UNC5C: variants seen among roughly 807,000 people sequenced by gnomAD.
The protein encoded by UNC5C is unc-5 netrin receptor C.
UNC5C carries 47 observed loss-of-function variants against 99.8 expected under a neutral mutation model. That is an observed-to-expected ratio of 0.47 (90% CI 0.37 to 0.60). The LOEUF (loss-of-function observed/expected upper bound fraction) is 0.60. Among genes scored for constraint, UNC5C ranks in the 20% least tolerant of loss-of-function variants. The pLI, the probability that UNC5C is intolerant of heterozygous loss-of-function variation, is 0.00. For missense variants in UNC5C, 1,062 were observed against 1,165.9 expected, an observed-to-expected ratio of 0.91 and a Z score of 1.30; for synonymous variants, 487 against 452.2, an observed-to-expected ratio of 1.08 and a Z score of -0.98.
chr4:95,176,585 G>A (rs1462504041), intron 14 of UNC5C, among the ~76,000 whole-genome samples: 2 of 152,058 alleles, frequency 1.3e-5, no homozygotes, highest in Non-Finnish European at 2.9e-5. Flanking sequence ...CACTTGAGGA[G>A]GCAGTCTGCC....
At chr4:95,404,207 A>G (rs1579387614) in intron 1 of UNC5C, among the ~76,000 whole-genome samples, 2 of 152,334 alleles carry the variant, frequency 1.3e-5, no homozygotes, top group African/African-American at 2.4e-5. Flanking sequence ...CCCACATTTC[A>G]GTTAGATCTA....
chr4:95,258,887 G>C (rs1482437934), intron 4 of UNC5C, among the ~76,000 whole-genome samples: 1 of 147,280 alleles, frequency 6.8e-6, no homozygotes, highest in Non-Finnish European at 1.5e-5. Flanking sequence ...TCAGCCTCCC[G>C]AGTAGCTGGG....
chr4:95,445,196 GTAAAT>G (rs1747062906), intron 1 of UNC5C, among the ~76,000 whole-genome samples: 1 of 152,148 alleles, frequency 6.6e-6, no homozygotes, highest in South Asian at 2.1e-4. Flanking sequence ...GGGATGATTT[GTAAAT>G]TAAATTACTA....
intron 7 of UNC5C, among the ~76,000 whole-genome samples, chr4:95,228,569 A>T (rs1177631743): frequency 6.6e-6 from 1 of 152,198 alleles, no homozygotes; most frequent in Non-Finnish European, 1.5e-5. Flanking sequence ...TTTGTCTAAC[A>T]TTATAAAGCT....
intron 2 of UNC5C, among the ~76,000 whole-genome samples, chr4:95,317,062 AG>A (rs1742504008): frequency 6.6e-6 from 1 of 152,124 alleles, no homozygotes; most frequent in Non-Finnish European, 1.5e-5. Flanking sequence ...ACCTTGCCAA[AG>A]GTTCATGTTT....
In UNC5C at chr4:95,450,488, A is replaced by G. The variant is rs1412991518; in HGVS notation, c.124+98246T>C. On this transcript the variant is annotated intron_variant, in intron 1 of 15. Coordinates refer to ENST00000453304, the MANE Select transcript of UNC5C (RefSeq NM_003728.4). ...CCCAAAGTGTCAGCATTACAGGCAT[A>G]AGCCACTGCACCTGGCCTTGGTGGT... 2.6e-5 allele frequency among the ~76,000 whole-genome samples: 4 copies of G among 152,196 alleles called. No homozygotes were observed. The South Asian group carries it at 8.3e-4, about 31-fold the overall frequency.
chr4:95,191,393 C>T (rs1326169941), intron 12 of UNC5C, among the ~76,000 whole-genome samples: 2 of 152,094 alleles, frequency 1.3e-5, no homozygotes, highest in African/African-American at 4.8e-5. Flanking sequence ...GACAAGTCTG[C>T]CCCCAGGGTC....
intron 1 of UNC5C, among the ~76,000 whole-genome samples, chr4:95,497,301 A>G (rs1001097518): frequency 6.6e-6 from 1 of 152,020 alleles, no homozygotes; most frequent in African/African-American, 2.4e-5. Context: ...GCAGTGTAAA[A>G]GTGTCTGCTT....
At chr4:95,454,620 C>A (rs910622026) in intron 1 of UNC5C, among the ~76,000 whole-genome samples, 1 of 151,952 alleles carries the variant, frequency 6.6e-6, no homozygotes, top group African/African-American at 2.4e-5. Flanking sequence ...AGAAAACAAG[C>A]AAGTGGGATT....
chr4:95,263,749 C>G (rs942017827), intron 4 of UNC5C, among the ~76,000 whole-genome samples: 1 of 152,200 alleles, frequency 6.6e-6, no homozygotes, highest in Non-Finnish European at 1.5e-5. Flanking sequence ...TCTGTCCTAA[C>G]TTCCTCATAA....
chr4:95,208,310 G>T (rs1560733353), intron 10 of UNC5C, among the ~76,000 whole-genome samples: 2 of 152,170 alleles, frequency 1.3e-5, no homozygotes, highest in Non-Finnish European at 1.5e-5. Flanking sequence ...TTTATAAAAT[G>T]AAGCAGTGAA....
At chr4:95,252,913 T>G (rs1739799091) in intron 4 of UNC5C, among the ~76,000 whole-genome samples, 1 of 152,212 alleles carries the variant, frequency 6.6e-6, no homozygotes, top group Admixed American at 6.5e-5. Flanking sequence ...AGGCACAAAA[T>G]TGTTTAACAT....
chr4:95,404,196 T>C (rs1196991736), intron 1 of UNC5C, among the ~76,000 whole-genome samples: 1 of 152,212 alleles, frequency 6.6e-6, no homozygotes, highest in African/African-American at 2.4e-5. Context: ...TCCAGGTATA[T>C]CCCACATTTC....
At chr4:95,536,082 A>ATTTT (rs940269233) in intron 1 of UNC5C, among the ~76,000 whole-genome samples, 2 of 78,444 alleles carry the variant, frequency 2.5e-5, no homozygotes, top group African/African-American at 4.0e-5. Context: ...ATATATATAT[A>ATTTT]TTTTTTTTTT....
chr4:95,377,201 C>T (rs1329940872), intron 1 of UNC5C, among the ~76,000 whole-genome samples: 1 of 152,200 alleles, frequency 6.6e-6, no homozygotes, highest in Non-Finnish European at 1.5e-5. Flanking sequence ...ATTTCAAAAT[C>T]ACACTTTTCA....
chr4:95,277,379 TG>T (rs1422646414), intron 4 of UNC5C, among the ~76,000 whole-genome samples: 2 of 152,188 alleles, frequency 1.3e-5, no homozygotes, highest in Admixed American at 6.5e-5. Context: ...AATGTGTGCT[TG>T]GACTTGTAGG....
At chr4:95,383,896 A>C (rs1174289887) in intron 1 of UNC5C, among the ~76,000 whole-genome samples, 1 of 152,186 alleles carries the variant, frequency 6.6e-6, no homozygotes, top group African/African-American at 2.4e-5. Context: ...TTCCATCTTA[A>C]TTTTTGATAA....
At chr4:95,493,380 T>A (rs1404369723) in intron 1 of UNC5C, among the ~76,000 whole-genome samples, 2 of 151,548 alleles carry the variant, frequency 1.3e-5, no homozygotes, top group South Asian at 4.1e-4. Context: ...GTTGGAAAGA[T>A]GGCAGGAAAT....
At chr4:95,285,571 C>T (rs1333948963) in intron 3 of UNC5C, among the ~76,000 whole-genome samples, 1 of 152,146 alleles carries the variant, frequency 6.6e-6, no homozygotes, top group African/African-American at 2.4e-5. Flanking sequence ...CTCACACACA[C>T]TTTGGCCATA....
Sources: allele counts gnomAD v4.1 joint callset (sites outside exome capture counted in the v4.1 genomes callset), GRCh38; gene constraint gnomAD v4.1.1; transcripts MANE v1.5; gene names NCBI Gene and HGNC (gene_info 2026-07-23, HGNC 2026-07-21).